The following MCTP2 variants were observed in gnomAD, a reference collection of about 807,000 sequenced individuals.
The protein encoded by MCTP2 is multiple C2 and transmembrane domain-containing protein 2.
MCTP2 carries 132 observed loss-of-function variants against 111.6 expected under a neutral mutation model. The observed-to-expected ratio is 1.18, with a 90% CI of 1.03 to 1.37. The LOEUF (loss-of-function observed/expected upper bound fraction) is 1.37. Among genes scored for constraint, MCTP2 ranks in the 40% most tolerant of loss-of-function variants. The pLI, the probability that MCTP2 is intolerant of heterozygous loss-of-function variation, is 0.00. For synonymous variants in MCTP2, 395 were observed against 387.7 expected (o/e 1.02, Z -0.22); for missense variants, 1,183 against 1,067.9 (o/e 1.11, Z -1.50).
At chr15:94,375,648 G>A (rs73450118) in intron 12 of MCTP2, among the ~76,000 whole-genome samples, 3,037 of 152,096 alleles carry the variant, frequency 0.02, 101 homozygotes, top group African/African-American at 0.069. Context: ...TTGATATCTT[G>A]GTAATAAAGG....
intron 1 of MCTP2, among the ~76,000 whole-genome samples, chr15:94,244,960 A>G (rs1459673194): frequency 8.0e-6 from 1 of 124,430 alleles, no homozygotes; most frequent in Non-Finnish European, 1.9e-5. Flanking sequence ...CTGTTTATAT[A>G]CGTATATGTA....
At chr15:94,245,353 T>C (rs557807653) in intron 1 of MCTP2, among the ~76,000 whole-genome samples, 6 of 132,356 alleles carry the variant, frequency 4.5e-5, no homozygotes, top group South Asian at 2.6e-4. Flanking sequence ...TTTACATACA[T>C]ATGTATATAT....
Position 94,476,792 on chromosome 15 carries a change from A to C in MCTP2, c.2567A>C (p.Lys856Thr). ...FLSRVPSDVQ[K>T]VQYAELKLCS... is the part of the protein sequence containing the mutation. ...TCTAGGGTACCGTCTGATGTTCAAA[A>C]GGTATGTAATGAATGGTTACCACCA... The change falls in exon 22 of 23, where the codon AAG becomes ACG. Residue 856 changes from lysine (K) to threonine (T), a missense_variant and splice_region_variant. Lys to Thr is a moderately conservative substitution (Grantham distance 78, BLOSUM62 -1). Coordinates refer to ENST00000357742, the MANE Select transcript of MCTP2 (RefSeq NM_001385001.1). The C allele has an allele frequency of 1.3e-6, 2 of 1,566,118 alleles. No homozygotes were observed. Among genetic ancestry groups the C allele is most frequent in the South Asian group, 2.2e-5 (2 of 89,950 alleles).
chr15:94,321,514 C>G (rs7168199), intron 4 of MCTP2, among the ~76,000 whole-genome samples: 6,549 of 152,216 alleles, frequency 0.043, 496 homozygotes, highest in African/African-American at 0.15. Flanking sequence ...AATGAATAAT[C>G]ATAATGCAAG....
chr15:94,378,557 T>C (rs186068092), intron 12 of MCTP2, among the ~76,000 whole-genome samples: 3 of 152,278 alleles, frequency 2.0e-5, no homozygotes, highest in Non-Finnish European at 4.4e-5. Context: ...AAAAGGAAAC[T>C]TTCTTATGTC....
At chr15:94,244,126 A>ATGCATATGTGTATATGTTTATATACACG (rs2071466829) in intron 1 of MCTP2, among the ~76,000 whole-genome samples, 1 of 140,452 alleles carries the variant, frequency 7.1e-6, no homozygotes, top group Non-Finnish European at 1.5e-5. Context: ...TTATATACAC[A>ATGCATATGTGTATATGTTTATATACACG]TGTATACACA....
intron 1 of MCTP2, among the ~76,000 whole-genome samples, chr15:94,283,486 G>C (rs908873627): frequency 6.6e-6 from 1 of 151,980 alleles, no homozygotes; most frequent in Non-Finnish European, 1.5e-5. Context: ...TTAAATATCT[G>C]GGGGGGTTGT....
intron 10 of MCTP2, among the ~76,000 whole-genome samples, chr15:94,364,031 G>A (rs911982086): frequency 2.0e-5 from 3 of 149,250 alleles, no homozygotes; most frequent in Admixed American, 6.7e-5. Context: ...TTTGACCAGC[G>A]TTTCTTGAGC....
At chr15:94,448,501 G>A (rs2084258521) in intron 19 of MCTP2, among the ~76,000 whole-genome samples, 1 of 151,996 alleles carries the variant, frequency 6.6e-6, no homozygotes, top group African/African-American at 2.4e-5. Flanking sequence ...AATCCAAAAT[G>A]CCCCAGAATT....
chr15:94,233,750 A>C (rs1449650663), intron 1 of MCTP2, among the ~76,000 whole-genome samples: 1 of 152,230 alleles, frequency 6.6e-6, no homozygotes, highest in South Asian at 2.1e-4. Context: ...CTTTAAGTGC[A>C]TGTAAACCAG....
At chr15:94,267,505 G>C (rs2073610494) in intron 1 of MCTP2, among the ~76,000 whole-genome samples, 1 of 152,078 alleles carries the variant, frequency 6.6e-6, no homozygotes, top group South Asian at 2.1e-4. Context: ...TGACAACTTT[G>C]AATAGTTTCT....
At chr15:94,472,197 G>A (rs890801455) in intron 21 of MCTP2, among the ~76,000 whole-genome samples, 2 of 152,178 alleles carry the variant, frequency 1.3e-5, no homozygotes, top group Non-Finnish European at 2.9e-5. Flanking sequence ...GGCCAATATG[G>A]TGAAACCCTG....
rs1471282909 is a variant in MCTP2 at position 94,367,715 on chromosome 15, CG to C, written c.1417del (p.Val473SerfsTer11). ...LLMLVTLTPCAGVSVSDLCVC... is the reference protein window; with the variant it reads ...LLMLVTLTPCXGVSVSDLCVC... ...ATGTTGGTCACACTTACACCCTGTG[CG>C]GGGGTCTCCGTCTCTGATCTGTGTG... is the stretch of plus-strand genomic sequence containing the variant. On this transcript the variant is annotated frameshift_variant, in exon 11 of 23. Coordinates refer to ENST00000357742, the MANE Select transcript of MCTP2 (RefSeq NM_001385001.1). LOFTEE classifies it high-confidence loss of function. The C allele has an allele frequency of 6.2e-7, 1 of 1,609,272 alleles. No homozygotes were observed. The highest frequency in any genetic ancestry group is 2.2e-5 in the East Asian group (1 of 44,458).
intron 1 of MCTP2, among the ~76,000 whole-genome samples, chr15:94,262,711 C>G (rs902946353): frequency 9.9e-5 from 15 of 151,434 alleles, no homozygotes; most frequent in African/African-American, 3.4e-4. Context: ...TGCTCTGTTA[C>G]CTGGGCTGGA....
At chr15:94,295,637 T>C (rs2075240374) in intron 1 of MCTP2, among the ~76,000 whole-genome samples, 1 of 152,222 alleles carries the variant, frequency 6.6e-6, no homozygotes, top group South Asian at 2.1e-4. Flanking sequence ...TTCTCCATTT[T>C]TATGTTTTCC....
Position 94,479,126 on chromosome 15 carries a change from T to C in MCTP2, c.*92T>C. The C allele has an allele frequency of 7.9e-7, 1 of 1,259,766 alleles. No homozygotes were observed. The highest frequency in any genetic ancestry group is 1.7e-5 in the Admixed American group (1 of 58,642). The allele number at this position is 1,259,766 out of a possible 1,614,324, so 78.0% of individuals were successfully genotyped here. ...TGTTTCAGTGGTACCCAAGGTGTCC[T>C]TCTGAAATGCATGCCCTGTGGCACC... On this transcript the variant is annotated 3_prime_UTR_variant, in exon 23 of 23. Transcript: ENST00000357742.
At chr15:94,371,565 A>G (rs1468380696) in intron 12 of MCTP2, among the ~76,000 whole-genome samples, 1 of 152,206 alleles carries the variant, frequency 6.6e-6, no homozygotes, top group African/African-American at 2.4e-5. Flanking sequence ...TATGCCTTCC[A>G]GCATTTAAAA....
intron 14 of MCTP2, among the ~76,000 whole-genome samples, chr15:94,394,049 CAAAAA>C (rs767685107): frequency 7.5e-4 from 46 of 61,740 alleles, no homozygotes; most frequent in South Asian, 3.1e-3. Flanking sequence ...AACTCCATCT[CAAAAA>C]AAAAAAAAAA....
intron 1 of MCTP2, among the ~76,000 whole-genome samples, chr15:94,276,157 T>C (rs751432020): frequency 2.0e-5 from 3 of 152,156 alleles, no homozygotes; most frequent in Non-Finnish European, 4.4e-5. Context: ...ATAAGTGTTT[T>C]TAAAGAAACA....
Sources: allele counts gnomAD v4.1 joint callset (sites outside exome capture counted in the v4.1 genomes callset), GRCh38; gene constraint gnomAD v4.1.1; transcripts MANE v1.5; gene names NCBI Gene and HGNC (gene_info 2026-07-23, HGNC 2026-07-21).